The following NPL variants were observed in gnomAD, a reference collection of about 807,000 sequenced individuals.
NPL encodes the protein N-acetylneuraminate pyruvate lyase.
NPL carries 32 observed loss-of-function variants against 41.1 expected under a neutral mutation model. The observed-to-expected ratio is 0.78, with a 90% CI of 0.59 to 1.05. NPL has a LOEUF of 1.05. NPL is among the 50% of genes least tolerant of loss of function. The pLI, the probability that NPL is intolerant of heterozygous loss-of-function variation, is 0.00. For missense variants in NPL, 321 were observed against 378.4 expected, an observed-to-expected ratio of 0.85 and a Z score of 1.26; for synonymous variants, 128 against 134.9, an observed-to-expected ratio of 0.95 and a Z score of 0.35.
chr1:182,822,048 G>A, intron 10 of NPL, 67 bp from the exon 11 acceptor site: 1 of 1,032,120 alleles, frequency 9.7e-7, no homozygotes, highest in South Asian at 1.3e-5. Flanking sequence ...AACAGCAGAG[G>A]GATTTGAAGA....
At chr1:182,799,851 G>A (rs932604338) in intron 3 of NPL, among the ~76,000 whole-genome samples, 1 of 151,756 alleles carries the variant, frequency 6.6e-6, no homozygotes, top group Non-Finnish European at 1.5e-5. Context: ...AATGACTACA[G>A]CAAGCATGGA....
At position 182,814,865 on chromosome 1, in the gene NPL, A is replaced by G. The variant is rs1372394620; in HGVS notation, c.364+7A>G. 3.7e-6 allele frequency: 6 copies of G among 1,611,410 alleles called. No homozygotes were observed. Among genetic ancestry groups the G allele is most frequent in the Non-Finnish European group, 4.2e-6 (5 of 1,177,670 alleles). On this transcript the variant is annotated splice_region_variant and intron_variant, in intron 7 of 12. Transcript: ENST00000367553. The stretch of plus-strand genomic sequence containing the variant: ...CTCAAGCCATGGACCAAAGGTAAGT[A>G]GATAGGTCTGAATGCATGGCATCTC...
intron 10 of NPL, among the ~76,000 whole-genome samples, chr1:182,821,637 A>C (rs1409875153): frequency 2.0e-5 from 3 of 152,186 alleles, no homozygotes; most frequent in African/African-American, 7.2e-5. Flanking sequence ...TAATATTACT[A>C]TCTAGAAACT....
chr1:182,810,698 G>GT (rs201825423), intron 5 of NPL, among the ~76,000 whole-genome samples: 56 of 145,936 alleles, frequency 3.8e-4, no homozygotes, highest in East Asian at 3.2e-3. Flanking sequence ...TCCCAAACTT[G>GT]TTTTTTTTTT....
chr1:182,820,784 C>T (rs1667467938), intron 10 of NPL, among the ~76,000 whole-genome samples: 2 of 152,130 alleles, frequency 1.3e-5, no homozygotes, highest in Admixed American at 6.5e-5. Context: ...AGAAACTGCC[C>T]CTGTAATCCA....
chr1:182,797,927 TTTG>T (rs772593891), intron 3 of NPL, among the ~76,000 whole-genome samples: 13 of 152,206 alleles, frequency 8.5e-5, no homozygotes, highest in South Asian at 2.1e-4. Flanking sequence ...TGTGGTAGCT[TTTG>T]TTATTTTATG....
rs1667730621 is a variant in NPL at position 182,830,203 on chromosome 1, GTTA to G, written c.*1297_*1299del. 6.6e-6 allele frequency: 1 copy of G among 152,166 alleles called. No individual in the cohort carries two copies. The highest frequency in any genetic ancestry group is 1.5e-5 in the Non-Finnish European group (1 of 68,052). 9.4% of individuals were successfully genotyped at this position (152,166 alleles called of 1,614,324 possible). On this transcript the variant is annotated 3_prime_UTR_variant, in exon 13 of 13. Transcript: ENST00000367553. Reference sequence around the variant, plus strand: ...TTAATTAGTCAGCTAGTTAAAAGTTGTTATATTCATATATCCTCAACCCTCTTT... The same window carrying G: ...TTAATTAGTCAGCTAGTTAAAAGTTGTATTCATATATCCTCAACCCTCTTT...
rs1466163483 is a variant in NPL at position 182,828,316 on chromosome 1, A to G, written c.779-408A>G. Among the ~76,000 whole-genome samples the G allele has an allele frequency of 6.6e-6, 1 of 152,212 alleles. No homozygotes were observed. Among genetic ancestry groups the G allele is most frequent in the Non-Finnish European group, 1.5e-5 (1 of 68,036 alleles). On this transcript the variant is annotated intron_variant, in intron 12 of 12. Transcript: ENST00000367553. The surrounding 1 kb of genome is among the most constrained non-coding windows in gnomAD (Gnocchi z 4.0). ...TTAGGGACTTCCTAAATAAGCTTAAACTAAATTTCATGCTGGCAATAAAGT... is the reference window on the plus strand; with the variant it reads ...TTAGGGACTTCCTAAATAAGCTTAAGCTAAATTTCATGCTGGCAATAAAGT...
chr1:182,821,673 CA>C (rs1433756233), intron 10 of NPL, among the ~76,000 whole-genome samples: 1 of 152,064 alleles, frequency 6.6e-6, no homozygotes, highest in African/African-American at 2.4e-5. Flanking sequence ...TACACATTAG[CA>C]AGGAATATAG....
At chr1:182,790,910 T>C (rs1192899742) in intron 1 of NPL, among the ~76,000 whole-genome samples, 3 of 152,244 alleles carry the variant, frequency 2.0e-5, no homozygotes, top group Admixed American at 2.0e-4. Flanking sequence ...CCCAAAGTGC[T>C]GGGATTACAG....
chr1:182,801,787 C>T (rs945822173), intron 3 of NPL, among the ~76,000 whole-genome samples: 26 of 151,938 alleles, frequency 1.7e-4, no homozygotes, highest in African/African-American at 5.3e-4. Context: ...CAGTGAGCCA[C>T]GATTACACCA....
chr1:182,806,881 G>T (rs1486334636), intron 5 of NPL, among the ~76,000 whole-genome samples: 2 of 152,012 alleles, frequency 1.3e-5, no homozygotes, highest in Non-Finnish European at 2.9e-5. Flanking sequence ...TTGCTCTGTC[G>T]CCCAGGCTGG....
chr1:182,822,069 T>C, intron 10 of NPL, 46 bp from the exon 11 acceptor site: 1 of 1,216,052 alleles, frequency 8.2e-7, no homozygotes, highest in Non-Finnish European at 1.2e-6. Flanking sequence ...TCTGGACCTT[T>C]CCTGTTGAGT....
Position 182,828,581 on chromosome 1 carries a change from T to A in NPL, c.779-143T>A, listed in dbSNP as rs1557955837. 1.1e-5 allele frequency: 11 copies of A among 1,033,618 alleles called. No homozygotes were observed. In the South Asian group the frequency reaches 1.6e-4, roughly 15 times the overall value. The allele number at this position is 1,033,618 out of a possible 1,614,324, so 64.0% of individuals were successfully genotyped here. ...ATTTCGAATGATTGCTCATCTGTCA[T>A]ATTGACTAGAAATGTTCCCATCTTT... On this transcript the variant is annotated intron_variant, in intron 12 of 12. Transcript: ENST00000367553. The surrounding 1 kb of genome is among the most constrained non-coding windows in gnomAD (Gnocchi z 4.0).
Position 182,828,803 on chromosome 1 carries a change from GA to G in NPL, c.861del (p.Ala288ProfsTer13), listed in dbSNP as rs1557955980. 6.2e-7 allele frequency: 1 copy of G among 1,614,222 alleles called. No individual in the cohort carries two copies. ...PMGPPRLPLQ[K>X]ASREFTDSAE... ...TGGGCCCACCCCGGCTTCCACTGCA[GA>G]AAGCCTCCAGGGAGTTTACTGATAG... On this transcript the variant is annotated frameshift_variant, in exon 13 of 13. Coordinates refer to ENST00000367553, the MANE Select transcript of NPL (RefSeq NM_030769.3). LOFTEE classifies it high-confidence loss of function. This position sits in a 1 kb window ranked among gnomAD's most constrained non-coding sequence, Gnocchi z 4.0.
chr1:182,810,420 CTT>C (rs1667142765), intron 5 of NPL, among the ~76,000 whole-genome samples: 1 of 152,136 alleles, frequency 6.6e-6, no homozygotes, highest in South Asian at 2.1e-4. Context: ...TGAGGAAACT[CTT>C]TATTTTTCTC....
chr1:182,818,373 T>A (rs1351317239), intron 8 of NPL, among the ~76,000 whole-genome samples, 168 bp from the exon 9 acceptor site: 1 of 152,240 alleles, frequency 6.6e-6, no homozygotes, highest in Non-Finnish European at 1.5e-5. Flanking sequence ...GCATTATAAT[T>A]GGACAAGCAC....
chr1:182,829,909 TAACA>T lies in NPL; in HGVS notation c.*1005_*1008del, dbSNP rs1667723947. The T allele has an allele frequency of 2.6e-6, 1 of 386,888 alleles. No homozygotes were observed. Among genetic ancestry groups the T allele is most frequent in the Admixed American group, 4.1e-5 (1 of 24,640 alleles). The allele number at this position is 386,888 out of a possible 1,614,324, so 24.0% of individuals were successfully genotyped here. On this transcript the variant is annotated 3_prime_UTR_variant, in exon 13 of 13. Transcript: ENST00000367553. The stretch of plus-strand genomic sequence containing the variant: ...ATCAACAACTGTTTAATCTCCCTTC[TAACA>T]AACCTTGATATAAGCTTTCTGATAT...
chr1:182,806,046 A>G (rs563498115), intron 4 of NPL, 99 bp from the exon 5 acceptor site: 16 of 1,392,326 alleles, frequency 1.1e-5, no homozygotes, highest in Admixed American at 7.3e-5. Flanking sequence ...CCTCCTGACC[A>G]TCCTCAGTGC....
Sources: allele counts gnomAD v4.1 joint callset (sites outside exome capture counted in the v4.1 genomes callset), GRCh38; gene constraint gnomAD v4.1.1; non-coding constraint Gnocchi (gnomAD v3.1); transcripts MANE v1.5; gene names NCBI Gene and HGNC (gene_info 2026-07-23, HGNC 2026-07-21).